TRPM7: variants seen among roughly 807,000 people sequenced by gnomAD.
TRPM7 encodes transient receptor potential cation channel subfamily M member 7, also known as LTRPC ion channel family member 7.
TRPM7 carries 134 observed loss-of-function variants against 229.7 expected under a neutral mutation model. That is an observed-to-expected ratio of 0.58 (90% CI 0.51 to 0.67). TRPM7 has a LOEUF of 0.67. Ranked by LOEUF, TRPM7 falls within the 30% of genes least tolerant of loss-of-function variation. TRPM7 has a pLI of 0.00. For missense variants in TRPM7, 1,901 were observed against 2,210.0 expected (o/e 0.86, Z 2.80); for synonymous variants, 699 against 715.2 (o/e 0.98, Z 0.36).
intron 20 of TRPM7, 54 bp downstream of exon 20, chr15:50,607,146 G>C: frequency 6.5e-7 from 1 of 1,536,468 alleles, no homozygotes; most frequent in Admixed American, 2.0e-5. Flanking sequence ...AAACAAAACA[G>C]AAAATCTTCC....
rs546688983 is a variant in TRPM7, at chr15:50,623,397, C to T, written c.1440+769G>A. On this transcript the variant is annotated intron_variant, in intron 12 of 38. Coordinates refer to ENST00000646667, the MANE Select transcript of TRPM7 (RefSeq NM_017672.6). ...ACTGCACTCCAGCCTGGTGACAGAG[C>T]GAGATTCTGTCAAAAAAAAAAAAAA... 2.4e-4 allele frequency among the ~76,000 whole-genome samples: 34 copies of T among 142,854 alleles called. 1 individual carries two copies. In the South Asian group the frequency reaches 6.7e-3, roughly 28 times the overall value. 93.7% of individuals were successfully genotyped at this position (142,854 alleles called of 152,430 possible).
intron 1 of TRPM7, among the ~76,000 whole-genome samples, chr15:50,682,440 T>C (rs931242335): frequency 1.3e-5 from 2 of 151,570 alleles, no homozygotes; most frequent in Non-Finnish European, 2.9e-5. Context: ...TAGATGGGCG[T>C]TGTGGTGTGT....
chr15:50,589,230 G>C (rs1362676738), intron 27 of TRPM7, among the ~76,000 whole-genome samples: 1 of 149,188 alleles, frequency 6.7e-6, no homozygotes, highest in Non-Finnish European at 1.5e-5. Context: ...GCTGAGGCAG[G>C]AGAATCACTT....
intron 38 of TRPM7, 57 bp from the exon 39 acceptor site, chr15:50,561,865 T>G: frequency 7.0e-7 from 1 of 1,424,124 alleles, no homozygotes; most frequent in East Asian, 2.5e-5. Context: ...AGAAAAAAGT[T>G]AGTATTTCTT....
chr15:50,637,480 C>T lies in TRPM7; in HGVS notation c.774G>A (p.Ala258=), dbSNP rs373294151. The T allele has an allele frequency of 3.5e-5, 56 of 1,613,722 alleles. No homozygotes were observed. Among genetic ancestry groups the T allele is most frequent in the Admixed American group, 2.8e-4 (17 of 59,944 alleles). Residue 258 remains alanine, a synonymous_variant, in exon 7 of 39, where the codon GCG becomes GCA. Transcript: ENST00000646667. ...CAAGTTCTCTTCTCAGTCTGACTTC[C>T]GCCCCATACTTTCCAACAGTGCCAT... ...VDDGTVGKYG[A]EVRLRRELEK...
Position 50,614,256 on chromosome 15 carries a change from AGAT to A in TRPM7, c.1499_1501del (p.Asn500_Leu501delinsIle). On this transcript the variant is annotated inframe_deletion, in exon 14 of 39. Coordinates refer to ENST00000646667, the MANE Select transcript of TRPM7 (RefSeq NM_017672.6). Reference sequence around the variant, plus strand: ...CAGAGTGATCTTATATCCTGGAGGAAGATTTCCCTAGAAACAAAACATTTGTTT... The same window carrying A: ...CAGAGTGATCTTATATCCTGGAGGAATTCCCTAGAAACAAAACATTTGTTT... The A allele has an allele frequency of 6.3e-7, 1 of 1,595,810 alleles. No individual in the cohort carries two copies. The highest frequency in any genetic ancestry group is 8.5e-7 in the Non-Finnish European group (1 of 1,174,574).
At chr15:50,639,272 C>T (rs911307665) in intron 6 of TRPM7, 152 bp downstream of exon 6, 1 of 520,114 alleles carries the variant, frequency 1.9e-6, no homozygotes, top group Non-Finnish European at 2.8e-6. Context: ...TATGCATTTC[C>T]AAAAATTCAG....
At position 50,628,226 on chromosome 15, in the gene TRPM7, G is replaced by A. The variant is rs772981412; in HGVS notation, c.1228C>T (p.Gln410Ter). The change falls in exon 11 of 39, where the codon CAG (glutamine) becomes TAG (stop). Residue 410 changes from glutamine to a stop codon, truncating the protein, a stop_gained. Coordinates refer to ENST00000646667, the MANE Select transcript of TRPM7 (RefSeq NM_017672.6). LOFTEE classifies it high-confidence loss of function. ...LKGTNASAFD[Q>*]LILTLAWDRV... ...TCCCATGCCAATGTAAGGATAAGCT[G>A]GTCAAATGCAGATGCATTAGTACCT... 2 of 1,612,730 alleles carry A rather than the reference G, an allele frequency of 1.2e-6. No individual in the cohort carries two copies. The highest frequency in any genetic ancestry group is 1.7e-6 in the Non-Finnish European group (2 of 1,179,486).
rs1269058509 is a variant in TRPM7, at chr15:50,686,441, C to T, written c.3+90G>A. 7 of 1,605,040 alleles carry T rather than the reference C, an allele frequency of 4.4e-6. No individual in the cohort carries two copies. The South Asian group carries it at 5.5e-5, about 13-fold the overall frequency. On this transcript the variant is annotated intron_variant, in intron 1 of 38. Transcript: ENST00000646667. ...CGAGGGTCCTTCGCCGCATGGAACG[C>T]GGCTCCCCACACACTTGCCTGCCAA...
Position 50,648,788 on chromosome 15 carries a change from C to T in TRPM7, c.220G>A (p.Ala74Thr), listed in dbSNP as rs766113052. The change falls in exon 4 of 39, where the codon GCA becomes ACA. Residue 74 changes from alanine to threonine, a missense_variant. Around this residue, in one of 8 missense-constraint regions of TRPM7, gnomAD observed 794 missense variants for 881.9 expected, o/e 0.90. Transcript: ENST00000646667. ...DVKLGDHFNQ[A>T]IEEWSVEKHT... ...TTTTCCACAGACCATTCTTCTATTG[C>T]CTGATTAAAATGGTCACCCAATTTC... The T allele has an allele frequency of 6.2e-7, 1 of 1,613,446 alleles. No individual in the cohort carries two copies. The highest frequency in any genetic ancestry group is 8.5e-7 in the Non-Finnish European group (1 of 1,179,650).
intron 3 of TRPM7, 141 bp downstream of exon 3, chr15:50,657,640 T>G (rs770346243): frequency 5.7e-6 from 4 of 700,062 alleles, no homozygotes; most frequent in Non-Finnish European, 9.5e-6. Context: ...TGACTGACCC[T>G]TCACCTTCCA....
At chr15:50,605,879 G>A (rs1018846616) in intron 20 of TRPM7, among the ~76,000 whole-genome samples, 1 of 151,866 alleles carries the variant, frequency 6.6e-6, no homozygotes, top group Non-Finnish European at 1.5e-5. Flanking sequence ...ACACTCAGAG[G>A]AATTTAAAAT....
At chr15:50,658,506 G>A (rs779623356) in intron 2 of TRPM7, among the ~76,000 whole-genome samples, 26 of 151,144 alleles carry the variant, frequency 1.7e-4, no homozygotes, top group Admixed American at 8.6e-4. Flanking sequence ...GGAGGTCGAG[G>A]CTAAAGTGAG....
At chr15:50,588,157 T>G in intron 27 of TRPM7, 1 of 940,322 alleles carries the variant, frequency 1.1e-6, no homozygotes, top group South Asian at 4.9e-5. Flanking sequence ...TTAAGCTGAC[T>G]TTCTGACTTC....
At chr15:50,573,844 A>T (rs2054007007) in intron 36 of TRPM7, among the ~76,000 whole-genome samples, 1 of 152,118 alleles carries the variant, frequency 6.6e-6, no homozygotes, top group Non-Finnish European at 1.5e-5. Context: ...GCAGATCACA[A>T]GGTCAGAAGC....
intron 12 of TRPM7, among the ~76,000 whole-genome samples, chr15:50,621,181 A>ACC (rs2140551835): frequency 6.7e-6 from 1 of 150,342 alleles, no homozygotes; most frequent in African/African-American, 2.5e-5. Flanking sequence ...AAAAAAAAAA[A>ACC]ACCTATTTAT....
At chr15:50,583,264 TAACTC>T (rs2054513122) in intron 28 of TRPM7, 105 bp from the exon 29 acceptor site, 4 of 651,064 alleles carry the variant, frequency 6.1e-6, no homozygotes, top group Non-Finnish European at 1.0e-5. Flanking sequence ...CTTCATAAGA[TAACTC>T]AACCTTTCCT....
rs1393871014 is a variant in TRPM7 at position 50,569,867 on chromosome 15, CTGAT to C, written c.5467+16_5467+19del. On this transcript the variant is annotated intron_variant, in intron 38 of 38. Transcript: ENST00000646667. ...GTTTCGTAACAATTTATATACTATA[CTGAT>C]TAAGAAATTTTTTACCTGGAAGTTT... 3.9e-6 allele frequency: 6 copies of C among 1,544,270 alleles called. No homozygotes were observed. Among genetic ancestry groups the C allele is most frequent in the African/African-American group, 1.4e-5 (1 of 72,712 alleles).
At chr15:50,601,722 C>T (rs1361143051) in intron 21 of TRPM7, among the ~76,000 whole-genome samples, 1 of 151,890 alleles carries the variant, frequency 6.6e-6, no homozygotes, top group African/African-American at 2.4e-5. Flanking sequence ...AGAAGTTTAG[C>T]ATTTACCATA....
Sources: gnomAD v4.1 joint callset for allele counts (sites outside exome capture counted in the v4.1 genomes callset) on GRCh38, gnomAD v4.1.1 for gene constraint, gnomAD v4.1.1 regional missense constraint, MANE v1.5 for transcripts, NCBI Gene and HGNC (gene_info 2026-07-23, HGNC 2026-07-21) for gene names.